Variants in SPON1 observed in about 807,000 individuals in gnomAD.
SPON1 encodes spondin 1, also known as spondin-1.
Under a neutral mutation model 111.7 loss-of-function variants are expected in SPON1, and 52 were observed. The ratio of observed to expected loss-of-function variants is 0.47; its 90% confidence interval spans 0.37 to 0.59. The LOEUF (loss-of-function observed/expected upper bound fraction) is 0.59, where lower values mean the gene tolerates loss of function less well. SPON1 is among the 20% of genes least tolerant of loss of function. The pLI is 0.00. For synonymous variants in SPON1, 410 were observed against 395.8 expected (o/e 1.04, Z -0.43); for missense variants, 957 against 1,068.5 (o/e 0.90, Z 1.46).
In SPON1 at chr11:14,266,267, A is replaced by C. The variant is rs1849267012; in HGVS notation, c.*580A>C. 6.6e-6 allele frequency: 1 copy of C among 152,218 alleles called. No homozygotes were observed. Among genetic ancestry groups the C allele is most frequent in the Non-Finnish European group, 1.5e-5 (1 of 68,058 alleles). The allele number at this position is 152,218 out of a possible 1,614,324, so 9.4% of individuals were successfully genotyped here. A position where few individuals can be genotyped will look rare whatever the true frequency, so the allele number is the denominator to read the frequency against. On this transcript the variant is annotated 3_prime_UTR_variant, in exon 16 of 16. Transcript: ENST00000576479. ...GGGTGGCTTTTGTTCTTTCACTGAG[A>C]AATTCGGAATACATTTGTCTCACCC...
chr11:14,085,787 A>AT (rs1160900214), intron 5 of SPON1, among the ~76,000 whole-genome samples: 1 of 152,088 alleles, frequency 6.6e-6, no homozygotes, highest in Non-Finnish European at 1.5e-5. Flanking sequence ...TGAGCATGGA[A>AT]TTTTTTTCCA....
chr11:14,210,690 CG>C (rs1329081943), intron 6 of SPON1, among the ~76,000 whole-genome samples: 33 of 152,048 alleles, frequency 2.2e-4, no homozygotes, highest in African/African-American at 7.5e-4. Context: ...CATGAGCCAC[CG>C]CACCCGGGCA....
intron 6 of SPON1, among the ~76,000 whole-genome samples, chr11:14,163,087 A>C (rs906655928): frequency 2.6e-5 from 4 of 152,222 alleles, no homozygotes; most frequent in Non-Finnish European, 4.4e-5. Flanking sequence ...GAATGATTGG[A>C]GATAGCTTCT....
At chr11:14,007,244 GT>G (rs1337183100) in intron 2 of SPON1, among the ~76,000 whole-genome samples, 6 of 152,118 alleles carry the variant, frequency 3.9e-5, no homozygotes, top group Non-Finnish European at 8.8e-5. Context: ...GTGTATTAGG[GT>G]TTTCTAGAGG....
chr11:14,200,276 T>C (rs1191518690), intron 6 of SPON1, among the ~76,000 whole-genome samples: 3 of 152,210 alleles, frequency 2.0e-5, no homozygotes, highest in African/African-American at 7.2e-5. Context: ...GGTTATCAAT[T>C]GTTAAGATCT....
chr11:14,247,565 C>T (rs1849006526), intron 7 of SPON1, among the ~76,000 whole-genome samples: 1 of 152,154 alleles, frequency 6.6e-6, no homozygotes, highest in Non-Finnish European at 1.5e-5. Flanking sequence ...TTAACTGTGA[C>T]TTCACTAGGA....
chr11:14,210,248 A>G (rs1283527882), intron 6 of SPON1, among the ~76,000 whole-genome samples: 3 of 152,158 alleles, frequency 2.0e-5, no homozygotes, highest in Non-Finnish European at 4.4e-5. Context: ...TTTGCTGTGC[A>G]GAAGCTCTTT....
intron 5 of SPON1, among the ~76,000 whole-genome samples, chr11:14,115,008 G>A (rs782800044): frequency 1.3e-5 from 2 of 152,164 alleles, no homozygotes; most frequent in Non-Finnish European, 2.9e-5. Context: ...ATGGCTCCAG[G>A]CAGGCACTTC....
intron 2 of SPON1, among the ~76,000 whole-genome samples, chr11:13,991,992 G>T (rs1848234647): frequency 6.6e-6 from 1 of 152,206 alleles, no homozygotes. Context: ...TGAGATGTCT[G>T]TTGGTTCCTA....
At chr11:14,265,324 A>T (rs1415100486) in intron 15 of SPON1, among the ~76,000 whole-genome samples, 200 bp from the exon 16 acceptor site, 1 of 152,190 alleles carries the variant, frequency 6.6e-6, no homozygotes, top group Non-Finnish European at 1.5e-5. Flanking sequence ...TTTGATGAGA[A>T]GAACCGTGAA....
chr11:14,150,248 C>T (rs1847771129), intron 6 of SPON1, among the ~76,000 whole-genome samples: 2 of 152,124 alleles, frequency 1.3e-5, no homozygotes, highest in Admixed American at 1.3e-4. Flanking sequence ...CATGCTCTCA[C>T]TCATATGTGG....
At chr11:14,243,300 G>C in intron 6 of SPON1, 32 bp from the exon 7 acceptor site, 3 of 1,558,840 alleles carry the variant, frequency 1.9e-6, no homozygotes, top group Non-Finnish European at 2.6e-6. Flanking sequence ...GCCCAGCTCT[G>C]TTCACTAAAT....
At chr11:13,982,786 T>G (rs1848154112) in intron 1 of SPON1, 61 bp from the exon 2 acceptor site, 1 of 1,196,422 alleles carries the variant, frequency 8.4e-7, no homozygotes. Flanking sequence ...GTCTATCCCA[T>G]TTGACAAATG....
intron 2 of SPON1, among the ~76,000 whole-genome samples, chr11:14,036,795 G>C (rs77643303): frequency 0.017 from 2,640 of 152,180 alleles, 90 homozygotes; most frequent in African/African-American, 0.061. Flanking sequence ...CAAAGAAAGT[G>C]GAGAGAGTGG....
In SPON1 at chr11:14,267,333, A is replaced by C. The variant is rs1849283468; in HGVS notation, c.*1646A>C. 2 of 152,208 alleles carry C rather than the reference A, an allele frequency of 1.3e-5. No homozygotes were observed. The highest frequency in any genetic ancestry group is 4.8e-5 in the African/African-American group (2 of 41,442). The allele number at this position is 152,208 out of a possible 1,614,324, so 9.4% of individuals were successfully genotyped here. On this transcript the variant is annotated 3_prime_UTR_variant, in exon 16 of 16. Transcript: ENST00000576479. ...TTGTTCTTGGAGGGACCATTATTAC[A>C]TCTCTGAACTACCTTTGTATCCAAC...
At chr11:14,190,589 C>A (rs1182395838) in intron 6 of SPON1, among the ~76,000 whole-genome samples, 3 of 149,826 alleles carry the variant, frequency 2.0e-5, no homozygotes, top group Admixed American at 6.7e-5. Context: ...TCCTTTCTTC[C>A]ATCCTTCTTC....
In SPON1 at chr11:14,220,849, T is replaced by C. The variant is rs184479900; in HGVS notation, c.826-22483T>C. Among the ~76,000 whole-genome samples the C allele has an allele frequency of 9.2e-5, 14 of 152,350 alleles. No individual in the cohort carries two copies. The East Asian group carries it at 2.5e-3, about 27-fold the overall frequency. ...TATCTTGGTGATGGTCACACCACTG[T>C]TTCCAGGAAAAATATAGCCCATTAA... is the stretch of plus-strand genomic sequence containing the variant. On this transcript the variant is annotated intron_variant, in intron 6 of 15. Transcript: ENST00000576479.
intron 5 of SPON1, among the ~76,000 whole-genome samples, chr11:14,095,108 T>A (rs1849088521): frequency 6.6e-6 from 1 of 152,208 alleles, no homozygotes; most frequent in African/African-American, 2.4e-5. Flanking sequence ...ACAAATGACT[T>A]TGAAATCATT....
At chr11:13,967,189 T>C (rs1489478840) in intron 1 of SPON1, among the ~76,000 whole-genome samples, 5 of 152,206 alleles carry the variant, frequency 3.3e-5, no homozygotes, top group African/African-American at 4.8e-5. Context: ...ATCTGTGCTC[T>C]TAACCAGTCT....
Sources: allele counts gnomAD v4.1 joint callset (sites outside exome capture counted in the v4.1 genomes callset), GRCh38; gene constraint gnomAD v4.1.1; transcripts MANE v1.5; gene names NCBI Gene and HGNC (gene_info 2026-07-23, HGNC 2026-07-21).